The following GALNT17 variants were observed in gnomAD, a reference collection of about 807,000 sequenced individuals.
GALNT17 encodes the protein UDP-GalNAc:polypeptide N-acetylgalactosaminyltransferase-like 3.
Under a neutral mutation model 63.7 loss-of-function variants are expected in GALNT17, and 29 were observed. That is an observed-to-expected ratio of 0.46 (90% CI 0.34 to 0.62). The LOEUF (loss-of-function observed/expected upper bound fraction) is 0.62. Among genes scored for constraint, GALNT17 ranks in the 20% least tolerant of loss-of-function variants. The pLI is 0.01. For missense variants in GALNT17, 603 were observed against 799.6 expected (o/e 0.75, Z 2.97); for synonymous variants, 305 against 318.3 (o/e 0.96, Z 0.45).
At chr7:71,265,226 A>C (rs1790473187) in intron 1 of GALNT17, among the ~76,000 whole-genome samples, 1 of 145,084 alleles carries the variant, frequency 6.9e-6, no homozygotes, top group Non-Finnish European at 1.5e-5. Flanking sequence ...TCCTGGGTTC[A>C]AGTGATTCTT....
At chr7:71,636,746 T>C (rs1363294869) in intron 6 of GALNT17, among the ~76,000 whole-genome samples, 1 of 152,158 alleles carries the variant, frequency 6.6e-6, no homozygotes, top group African/African-American at 2.4e-5. Flanking sequence ...TTTTCTCCAG[T>C]CTTATTCAGT....
At chr7:71,450,258 C>T (rs144932293) in intron 5 of GALNT17, among the ~76,000 whole-genome samples, 1 of 151,714 alleles carries the variant, frequency 6.6e-6, no homozygotes, top group African/African-American at 2.4e-5. Flanking sequence ...GCCTCAGCCT[C>T]GCGAGTAGTG....
chr7:71,475,157 G>A (rs548817828), intron 5 of GALNT17, among the ~76,000 whole-genome samples: 1 of 152,270 alleles, frequency 6.6e-6, no homozygotes, highest in East Asian at 1.9e-4. Flanking sequence ...TTAAGCCAGT[G>A]GTCCCCAACC....
intron 1 of GALNT17, 87 bp downstream of exon 1, chr7:71,133,127 G>A (rs531018305): frequency 5.8e-6 from 7 of 1,205,676 alleles, no homozygotes; most frequent in Admixed American, 3.4e-5. Flanking sequence ...GCTGCGCCCT[G>A]TGCCTGGGAG....
At chr7:71,380,996 C>T (rs2906255) in intron 2 of GALNT17, among the ~76,000 whole-genome samples, 45 of 150,340 alleles carry the variant, frequency 3.0e-4, no homozygotes, top group Non-Finnish European at 5.0e-4. Flanking sequence ...GATCTCGCTC[C>T]GTCACCCAGG....
At chr7:71,346,026 TAA>T (rs35499113) in intron 2 of GALNT17, among the ~76,000 whole-genome samples, 27,672 of 126,962 alleles carry the variant, frequency 0.22, 2,999 homozygotes, top group African/African-American at 0.31. Context: ...TACTAAAAAT[TAA>T]AAAAAAAAAA....
At chr7:71,238,897 T>C (rs1789943258) in intron 1 of GALNT17, among the ~76,000 whole-genome samples, 2 of 152,156 alleles carry the variant, frequency 1.3e-5, no homozygotes, top group Non-Finnish European at 2.9e-5. Flanking sequence ...GTGTGCCCTC[T>C]CTCCGTCTCT....
At chr7:71,280,763 G>A (rs1434104783) in intron 1 of GALNT17, among the ~76,000 whole-genome samples, 1 of 152,136 alleles carries the variant, frequency 6.6e-6, no homozygotes, top group African/African-American at 2.4e-5. Context: ...TTCCCTTAGA[G>A]ATGTCCTAGG....
chr7:71,575,538 G>A (rs1202329061), intron 6 of GALNT17, among the ~76,000 whole-genome samples: 2 of 151,968 alleles, frequency 1.3e-5, no homozygotes, highest in African/African-American at 2.4e-5. Flanking sequence ...ACAGGTGCCT[G>A]CCACCTCACC....
intron 1 of GALNT17, among the ~76,000 whole-genome samples, chr7:71,328,984 G>A (rs1791755683): frequency 6.6e-6 from 1 of 152,102 alleles, no homozygotes; most frequent in Non-Finnish European, 1.5e-5. Context: ...GGTTGTGCTA[G>A]GCAAACACAT....
intron 5 of GALNT17, among the ~76,000 whole-genome samples, chr7:71,563,402 C>G (rs1242824892): frequency 2.6e-5 from 4 of 152,076 alleles, no homozygotes; most frequent in African/African-American, 9.7e-5. Flanking sequence ...CTGCCACTCA[C>G]GAGGCAGGTG....
chr7:71,683,210 A>G (rs1430882456), intron 9 of GALNT17, among the ~76,000 whole-genome samples: 1 of 152,004 alleles, frequency 6.6e-6, no homozygotes, highest in African/African-American at 2.4e-5. Flanking sequence ...TAAAAAGTCA[A>G]TCTCATGTTG....
At chr7:71,702,965 T>G (rs1477831330) in intron 9 of GALNT17, among the ~76,000 whole-genome samples, 1 of 152,242 alleles carries the variant, frequency 6.6e-6, no homozygotes. Context: ...TTTAAAATGC[T>G]TATTAGACAT....
chr7:71,385,839 C>T (rs936844995), intron 2 of GALNT17, among the ~76,000 whole-genome samples: 16 of 152,068 alleles, frequency 1.1e-4, no homozygotes, highest in African/African-American at 3.4e-4. Context: ...GGCTGAGGTG[C>T]GCAGATCGCT....
chr7:71,217,867 G>A (rs1043563270), intron 1 of GALNT17, among the ~76,000 whole-genome samples: 5 of 151,624 alleles, frequency 3.3e-5, no homozygotes, highest in African/African-American at 1.2e-4. Context: ...GGCGGAGCTT[G>A]CAATGAGCCG....
At chr7:71,247,388 T>A (rs1483368114) in intron 1 of GALNT17, among the ~76,000 whole-genome samples, 1 of 152,170 alleles carries the variant, frequency 6.6e-6, no homozygotes, top group East Asian at 1.9e-4. Flanking sequence ...TTAGAGGTGC[T>A]TACCTCCTTG....
chr7:71,348,531 C>T (rs1305394859), intron 2 of GALNT17, among the ~76,000 whole-genome samples: 1 of 152,164 alleles, frequency 6.6e-6, no homozygotes, highest in Non-Finnish European at 1.5e-5. Flanking sequence ...CAGTGTCAAC[C>T]TTGTCCTGTT....
intron 1 of GALNT17, among the ~76,000 whole-genome samples, chr7:71,185,133 T>C (rs1172084298): frequency 1.6e-5 from 2 of 121,706 alleles, no homozygotes; most frequent in Non-Finnish European, 3.3e-5. Flanking sequence ...CCTTCCCCTC[T>C]CCTCCCCTCC....
At chr7:71,504,285 C>T (rs1187858785) in intron 5 of GALNT17, among the ~76,000 whole-genome samples, 1 of 151,026 alleles carries the variant, frequency 6.6e-6, no homozygotes, top group African/African-American at 2.4e-5. Flanking sequence ...CCCAGCTACT[C>T]TCGGGAGGCT....
Sources: allele counts gnomAD v4.1 joint callset (sites outside exome capture counted in the v4.1 genomes callset), GRCh38; gene constraint gnomAD v4.1.1; transcripts MANE v1.5; gene names NCBI Gene and HGNC (gene_info 2026-07-23, HGNC 2026-07-21).